RPS6: variants seen among roughly 807,000 people sequenced by gnomAD.
RPS6 encodes small ribosomal subunit protein eS6.
RPS6 carries 1 observed loss-of-function variant against 27.1 expected under a neutral mutation model. The ratio of observed to expected loss-of-function variants is 0.04; its 90% CI spans 0.01 to 0.18. The LOEUF is 0.18. Among genes scored for constraint, RPS6 ranks in the 10% least tolerant of loss-of-function variants. RPS6 has a pLI of 1.00. For missense variants in RPS6, 259 were observed against 319.1 expected (o/e 0.81, Z 1.44); for synonymous variants, 152 against 106.0 (o/e 1.43, Z -2.66).
At chr9:19,379,301 T>C in intron 2 of RPS6, 186 bp downstream of exon 2, 1 of 1,480,834 alleles carries the variant, frequency 6.8e-7, no homozygotes, top group Non-Finnish European at 9.0e-7. Context: ...TTTACGTATA[T>C]TTTATGGCTT....
At position 19,375,940 on chromosome 9, in the gene RPS6, ATTG is replaced by A. The variant is rs1336385933; in HGVS notation, c.*350_*352del. On this transcript the variant is annotated 3_prime_UTR_variant, in exon 6 of 6. Transcript: ENST00000380394. ...CACAAGGTCAATTTTCATGTATTAAATTGTGTATAGTGCTTTAAAGAGCTATAT... is the reference window on the plus strand; with the variant it reads ...CACAAGGTCAATTTTCATGTATTAAATGTATAGTGCTTTAAAGAGCTATAT... 6.2e-6 allele frequency: 1 copy of A among 162,076 alleles called. No homozygotes were observed. Among genetic ancestry groups the A allele is most frequent in the Non-Finnish European group, 1.3e-5 (1 of 74,468 alleles). The allele number at this position is 162,076 out of a possible 1,614,324, so 10.0% of individuals were successfully genotyped here. A position where few individuals can be genotyped will look rare whatever the true frequency, so the allele number is the denominator to read the frequency against.
rs1276963125 is a variant in RPS6, at chr9:19,375,770, C to CTAACAAA, written c.*522_*523insTTTGTTA. On this transcript the variant is annotated 3_prime_UTR_variant, in exon 6 of 6. Transcript: ENST00000380394. ...ATTTCCTTTTCAGTGTGTGAACAGC[C>CTAACAAA]TAACAATTCACTGGAGTTGAAAAGC... The CTAACAAA allele has an allele frequency of 1.3e-5, 2 of 152,402 alleles. No homozygotes were observed. Among genetic ancestry groups the CTAACAAA allele is most frequent in the African/African-American group, 4.8e-5 (2 of 41,384 alleles). 9.4% of individuals were successfully genotyped at this position (152,402 alleles called of 1,614,324 possible).
intron 4 of RPS6, chr9:19,376,962 T>C (rs770572240): frequency 4.5e-5 from 9 of 200,310 alleles, no homozygotes; most frequent in Non-Finnish European, 6.9e-5. Context: ...AGTTAATTTG[T>C]CTGTGAAAAC....
Position 19,378,392 on chromosome 9 carries a change from C to A in RPS6, c.472G>T (p.Val158Leu). Reference sequence around the variant, plus strand: ...CCTTCTTTATTTAAGGGCTTTCTTACAACATACTGGCGGACATCATCTTCT... The same window carrying A: ...CCTTCTTTATTTAAGGGCTTTCTTAAAACATACTGGCGGACATCATCTTCT... ...SKEDDVRQYV[V>L]RKPLNKEGKK... Residue 158 changes from valine (V) to leucine (L), a missense_variant, in exon 4 of 6, where the codon GTA becomes TTA. By Grantham distance (32) the Val-to-Leu change is conservative. Transcript: ENST00000380394. 1 of 1,612,940 alleles carries A rather than the reference C, an allele frequency of 6.2e-7. No homozygotes were observed. The highest frequency in any genetic ancestry group is 8.5e-7 in the Non-Finnish European group (1 of 1,180,004).
rs1226734718 is a variant in RPS6, at chr9:19,378,712, T to G, written c.345A>C (p.Lys115Asn). 6.2e-7 allele frequency: 1 copy of G among 1,613,970 alleles called. No homozygotes were observed. Among genetic ancestry groups the G allele is most frequent in the East Asian group, 2.2e-5 (1 of 44,900 alleles). The stretch of plus-strand genomic sequence containing the variant: ...TTGAACACAAGTAACCCTCACCTTT[T>G]TTTACAATAACCAAGTTGAGAACGC... ...NLSVLNLVIVKKGEKDIPGLT... is the reference protein window; with the variant it reads ...NLSVLNLVIVNKGEKDIPGLT... Residue 115 changes from lysine (K) to asparagine (N), a missense_variant, in exon 3 of 6, where the codon AAA becomes AAC. Lys to Asn is a moderately conservative substitution (Grantham distance 94, BLOSUM62 0). Transcript: ENST00000380394.
At chr9:19,377,853 T>C (rs1331150203) in intron 4 of RPS6, among the ~76,000 whole-genome samples, 1 of 152,224 alleles carries the variant, frequency 6.6e-6, no homozygotes, top group East Asian at 1.9e-4. Flanking sequence ...CAACTTCTTT[T>C]GTAAGCCAAA....
intron 2 of RPS6, 25 bp from the exon 3 acceptor site, chr9:19,378,943 A>T: frequency 6.2e-7 from 1 of 1,605,574 alleles, no homozygotes; most frequent in Non-Finnish European, 8.5e-7. Flanking sequence ...AATGAATGAC[A>T]CATTTACTAT....
chr9:19,379,158 TAAG>T (rs1331968766), intron 2 of RPS6: 5 of 819,286 alleles, frequency 6.1e-6, no homozygotes, highest in African/African-American at 3.4e-5. Flanking sequence ...ATAACAGCAC[TAAG>T]AAGATAAAAT....
At chr9:19,380,108 T>C (rs1829654484) in intron 1 of RPS6, 82 bp downstream of exon 1, 1 of 1,613,612 alleles carries the variant, frequency 6.2e-7, no homozygotes, top group African/African-American at 1.3e-5. Flanking sequence ...GATCCTGGAG[T>C]GCTGGAACTG....
intron 1 of RPS6, 69 bp from the exon 2 acceptor site, chr9:19,379,687 A>G: frequency 6.5e-7 from 1 of 1,532,284 alleles, no homozygotes; most frequent in Non-Finnish European, 8.7e-7. Flanking sequence ...CCATCTACAA[A>G]GTTAATTCCA....
Position 19,380,224 on chromosome 9 carries a change from C to T in RPS6, c.-29G>A, listed in dbSNP as rs1484049168. On this transcript the variant is annotated 5_prime_UTR_variant, in exon 1 of 6. Coordinates refer to ENST00000380394, the MANE Select transcript of RPS6 (RefSeq NM_001010.3). ...GAAGCAGCTGAACGCCTCCGAGGCG[C>T]CACGGAAAAGAGGGCCAACTTCCGC... The T allele has an allele frequency of 8.7e-6, 14 of 1,613,114 alleles. No individual in the cohort carries two copies. The East Asian group carries it at 8.9e-5, about 10-fold the overall frequency.
Position 19,375,902 on chromosome 9 carries a change from A to T in RPS6, c.*391T>A, listed in dbSNP as rs1227405687. 2 of 154,980 alleles carry T rather than the reference A, an allele frequency of 1.3e-5. No homozygotes were observed. The highest frequency in any genetic ancestry group is 1.3e-4 in the Admixed American group (2 of 15,614). 9.6% of individuals were successfully genotyped at this position (154,980 alleles called of 1,614,324 possible). A position where few individuals can be genotyped will look rare whatever the true frequency, so the allele number is the denominator to read the frequency against. ...CCTTAAAAGTTACCTTTTAAAAAAG[A>T]CATGTTCATCTTCACAAGGTCAATT... On this transcript the variant is annotated 3_prime_UTR_variant, in exon 6 of 6. Coordinates refer to ENST00000380394, the MANE Select transcript of RPS6 (RefSeq NM_001010.3).
intron 4 of RPS6, 188 bp from the exon 5 acceptor site, chr9:19,376,839 A>C (rs1381821036): frequency 2.0e-6 from 1 of 497,540 alleles, no homozygotes; most frequent in African/African-American, 2.0e-5. Flanking sequence ...AGATTGGTTA[A>C]ATATTATAAA....
chr9:19,377,340 G>A (rs1829605237), intron 4 of RPS6, among the ~76,000 whole-genome samples: 1 of 150,698 alleles, frequency 6.6e-6, no homozygotes, highest in Non-Finnish European at 1.5e-5. Context: ...TGTATTATAC[G>A]GATTATTTCC....
chr9:19,377,982 T>G (rs1829617396), intron 4 of RPS6, among the ~76,000 whole-genome samples: 1 of 152,192 alleles, frequency 6.6e-6, no homozygotes, highest in South Asian at 2.1e-4. Context: ...CAGTGTGACC[T>G]CATCTCTTAA....
intron 4 of RPS6, 134 bp from the exon 5 acceptor site, chr9:19,376,785 A>G: frequency 1.3e-6 from 1 of 753,680 alleles, no homozygotes. Context: ...AAATCAAATC[A>G]GAACTATTCT....
In RPS6 at chr9:19,376,485, T is replaced by C. The variant is rs1164078313; in HGVS notation, c.654+9A>G. 5 of 1,613,584 alleles carry C rather than the reference T, an allele frequency of 3.1e-6. No individual in the cohort carries two copies. The African/African-American group carries it at 5.3e-5, about 17-fold the overall frequency. ...CTCCTCCCACCCCCTCAAATCATCT[T>C]AGACTAACCTTCATTCTCTTGGCCA... On this transcript the variant is annotated intron_variant, in intron 5 of 5. Transcript: ENST00000380394.
Position 19,378,853 on chromosome 9 carries a change from C to T in RPS6, c.204G>A (p.Leu68=), listed in dbSNP as rs761968705. The change falls in exon 3 of 6, where the codon TTG becomes TTA. Residue 68 remains leucine, a synonymous_variant. Transcript: ENST00000380394. ...KQGFPMKQGV[L]THGRVRLLLS... ...GTAGCAGGCGGACACGGCCATGGGT[C>T]AAGACACCCTGCTTCATGGGGAAAC... is the stretch of plus-strand genomic sequence containing the variant. 6 of 1,614,208 alleles carry T rather than the reference C, an allele frequency of 3.7e-6. No homozygotes were observed. In the Admixed American group the frequency reaches 1.0e-4, roughly 27 times the overall value.
intron 4 of RPS6, among the ~76,000 whole-genome samples, chr9:19,378,112 T>C (rs1175159187): frequency 6.6e-6 from 1 of 152,168 alleles, no homozygotes; most frequent in Non-Finnish European, 1.5e-5. Context: ...AGTCAGGTTA[T>C]TTTTGGATAA....
Sources: allele counts gnomAD v4.1 joint callset (sites outside exome capture counted in the v4.1 genomes callset), GRCh38; gene constraint gnomAD v4.1.1; transcripts MANE v1.5; gene names NCBI Gene and HGNC (gene_info 2026-07-23, HGNC 2026-07-21).